Variants in JAK2 observed in about 807,000 individuals in gnomAD.
The protein encoded by JAK2 is Janus kinase 2, also known as tyrosine-protein kinase JAK2.
In JAK2, 86 loss-of-function variants were observed where a neutral mutation model predicts 139.3. The ratio of observed to expected loss-of-function variants is 0.62; its 90% confidence interval spans 0.52 to 0.74. The LOEUF is 0.74. Among genes scored for constraint, JAK2 ranks in the 30% least tolerant of loss-of-function variants. The pLI is 0.00. For synonymous variants in JAK2, 490 were observed against 437.7 expected (o/e 1.12, Z -1.49); for missense variants, 1,421 against 1,360.3 (o/e 1.04, Z -0.70).
At chr9:5,112,707 G>A (rs575070953) in intron 22 of JAK2, 5 of 858,452 alleles carry the variant, frequency 5.8e-6, no homozygotes, top group Non-Finnish European at 8.4e-6. Flanking sequence ...CAGCAAGTGC[G>A]AGAGCGGAAC....
intron 23 of JAK2, among the ~76,000 whole-genome samples, chr9:5,125,019 T>C (rs1823882640): frequency 6.6e-6 from 1 of 151,442 alleles, no homozygotes; most frequent in Admixed American, 6.6e-5. Context: ...GCTAATTCAT[T>C]CTAGGAATTA....
chr9:5,068,968 C>T, intron 10 of JAK2, 54 bp from the exon 11 acceptor site: 1 of 989,350 alleles, frequency 1.0e-6, no homozygotes. Context: ...AGAATAATCA[C>T]TGTGATGTCC....
chr9:5,092,513 A>G (rs1375130215), intron 22 of JAK2, among the ~76,000 whole-genome samples: 1 of 152,158 alleles, frequency 6.6e-6, no homozygotes, highest in Non-Finnish European at 1.5e-5. Context: ...AAATACTATT[A>G]AACCATCGTA....
At position 5,065,013 on chromosome 9, in the gene JAK2, T is replaced by C. The variant is rs1046989645; in HGVS notation, c.1187T>C (p.Ile396Thr). 13 of 1,602,820 alleles carry C rather than the reference T, an allele frequency of 8.1e-6. No individual in the cohort carries two copies. Among genetic ancestry groups the C allele is most frequent in the African/African-American group, 8.1e-5 (6 of 74,456 alleles). The change falls in exon 9 of 25, where the codon ATA (isoleucine) becomes ACA (threonine). Residue 396 changes from isoleucine (I) to threonine (T), a missense_variant. Coordinates refer to ENST00000381652, the MANE Select transcript of JAK2 (RefSeq NM_004972.4). Reference protein sequence around the residue: ...EVAPPAVLENIQSNCHGPISM... With the variant: ...EVAPPAVLENTQSNCHGPISM... ...GCACCTCCAGCCGTGCTTGAAAATA[T>C]ACAAAGCAACTGTCATGGCCCAATT...
rs190324639 is a variant in JAK2, at chr9:5,115,216, A to C, written c.3060-7788A>C. Among the ~76,000 whole-genome samples the C allele has an allele frequency of 1.4e-3, 212 of 152,348 alleles. 3 individuals are homozygous for C. Among genetic ancestry groups the C allele is most frequent in the African/African-American group, 4.7e-3 (196 of 41,570 alleles). On this transcript the variant is annotated intron_variant, in intron 22 of 24. Coordinates refer to ENST00000381652, the MANE Select transcript of JAK2 (RefSeq NM_004972.4). ...CTACAAAGAACTTAAACAAGTTCAC[A>C]AGAAAAAAACAACCCCATCAAAAAG... is the stretch of plus-strand genomic sequence containing the variant.
intron 4 of JAK2, among the ~76,000 whole-genome samples, chr9:5,032,132 C>T (rs1047154198): frequency 1.2e-4 from 18 of 152,230 alleles, no homozygotes; most frequent in Admixed American, 7.8e-4. Context: ...GTCCTACGCC[C>T]ACGGAGCCTC....
intron 2 of JAK2, among the ~76,000 whole-genome samples, chr9:4,994,200 T>C (rs977735516): frequency 1.1e-4 from 17 of 152,248 alleles, no homozygotes; most frequent in Non-Finnish European, 2.2e-4. Context: ...GCCATAAATA[T>C]GCCATAGGAA....
chr9:5,073,815 T>A (rs1314622452), intron 14 of JAK2, 30 bp downstream of exon 14: 1 of 1,353,766 alleles, frequency 7.4e-7, no homozygotes, highest in East Asian at 2.3e-5. Flanking sequence ...TTCTAATGCC[T>A]TTCTCAGAGC....
At chr9:5,033,962 C>T (rs376615156) in intron 4 of JAK2, among the ~76,000 whole-genome samples, 118 of 152,282 alleles carry the variant, frequency 7.7e-4, no homozygotes, top group African/African-American at 2.8e-3. Flanking sequence ...GATAAAGAGT[C>T]AAGACCCATC....
At chr9:5,083,434 C>T (rs992695357) in intron 19 of JAK2, among the ~76,000 whole-genome samples, 5 of 152,146 alleles carry the variant, frequency 3.3e-5, no homozygotes, top group African/African-American at 1.2e-4. Context: ...CTGTTATTAT[C>T]AGCTATTCCT....
At chr9:5,112,899 G>A in intron 22 of JAK2, 1 of 326,086 alleles carries the variant, frequency 3.1e-6, no homozygotes, top group Non-Finnish European at 5.4e-6. Flanking sequence ...CCGTGGGCTG[G>A]GCCCAGAACG....
intron 19 of JAK2, among the ~76,000 whole-genome samples, chr9:5,086,631 T>G (rs1820134808): frequency 6.6e-6 from 1 of 152,364 alleles, no homozygotes; most frequent in Middle Eastern, 3.4e-3. Flanking sequence ...CCCAAAGTTA[T>G]GATTATGTTA....
At chr9:5,073,656 A>G (rs1403704714) in intron 13 of JAK2, 42 bp from the exon 14 acceptor site, 1 of 1,420,582 alleles carries the variant, frequency 7.0e-7, no homozygotes, top group Non-Finnish European at 9.9e-7. Context: ...ATTTATGGAC[A>G]ACAGTCAAAC....
chr9:5,112,873 C>A, intron 22 of JAK2: 1 of 439,454 alleles, frequency 2.3e-6, no homozygotes, highest in South Asian at 7.3e-5. Context: ...GTGGGACGAG[C>A]CACCCGCCCT....
intron 7 of JAK2, among the ~76,000 whole-genome samples, 168 bp downstream of exon 7, chr9:5,055,052 A>G (rs974127239): frequency 6.6e-6 from 1 of 152,034 alleles, no homozygotes; most frequent in African/African-American, 2.4e-5. Flanking sequence ...TTTGCCTACT[A>G]TTCTTAAATG....
At chr9:5,123,890 T>C (rs1262528833) in intron 23 of JAK2, among the ~76,000 whole-genome samples, 1 of 146,316 alleles carries the variant, frequency 6.8e-6, no homozygotes, top group Non-Finnish European at 1.5e-5. Context: ...TTTTTTCTCT[T>C]TTTTTTTTTT....
At chr9:5,064,662 C>G (rs1277421526) in intron 8 of JAK2, among the ~76,000 whole-genome samples, 2 of 152,042 alleles carry the variant, frequency 1.3e-5, no homozygotes, top group African/African-American at 4.8e-5. Flanking sequence ...AAAATGATGG[C>G]TATAGAGTGA....
chr9:5,011,959 G>C (rs1296562413), intron 2 of JAK2, among the ~76,000 whole-genome samples: 2 of 152,200 alleles, frequency 1.3e-5, no homozygotes, highest in African/African-American at 4.8e-5. Context: ...ACTAAATCCT[G>C]ACTCTCCAGG....
At chr9:5,067,022 A>G (rs1473519178) in intron 10 of JAK2, among the ~76,000 whole-genome samples, 5 of 152,024 alleles carry the variant, frequency 3.3e-5, no homozygotes, top group Admixed American at 1.3e-4. Context: ...TTTTGCATTT[A>G]TTTTATTTTC....
Sources: allele counts gnomAD v4.1 joint callset (sites outside exome capture counted in the v4.1 genomes callset), GRCh38; gene constraint gnomAD v4.1.1; transcripts MANE v1.5; gene names NCBI Gene and HGNC (gene_info 2026-07-23, HGNC 2026-07-21).